HOMER2: variants seen among roughly 807,000 people sequenced by gnomAD.
HOMER2 encodes homer protein homolog 2.
A neutral mutation model predicts 47.0 loss-of-function variants in HOMER2; 27 were observed. The ratio of observed to expected loss-of-function variants is 0.57; its 90% CI spans 0.42 to 0.79. The LOEUF is 0.79. HOMER2 is among the 30% of genes least tolerant of loss of function. The pLI is 0.00. For synonymous variants in HOMER2, 161 were observed against 163.8 expected (o/e 0.98, Z 0.13); for missense variants, 443 against 435.0 (o/e 1.02, Z -0.16).
At chr15:82,907,451 A>G (rs567250075) in intron 1 of HOMER2, among the ~76,000 whole-genome samples, 10 of 151,620 alleles carry the variant, frequency 6.6e-5, no homozygotes, top group African/African-American at 2.4e-4. Context: ...AAGAAAGAGA[A>G]AGAAAGAAGG....
intron 1 of HOMER2, among the ~76,000 whole-genome samples, chr15:82,912,380 A>G (rs1055911379): frequency 9.8e-5 from 15 of 152,298 alleles, no homozygotes; most frequent in African/African-American, 3.6e-4. Context: ...AGTGAGCGTA[A>G]TATTTCTGAG....
intron 3 of HOMER2, among the ~76,000 whole-genome samples, chr15:82,867,162 G>T (rs2051997636): frequency 6.6e-6 from 1 of 152,044 alleles, no homozygotes; most frequent in Non-Finnish European, 1.5e-5. Flanking sequence ...ATGAGTTAAA[G>T]GGGCAAGAAA....
upstream of HOMER2, chr15:82,985,950 G>A: frequency 2.0e-6 from 1 of 503,190 alleles, no homozygotes; most frequent in Non-Finnish European, 2.6e-6. Context: ...CAGAACTTCC[G>A]TCTCTACCCG....
chr15:82,948,291 T>G (rs2054425680), intron 1 of HOMER2, among the ~76,000 whole-genome samples: 1 of 149,568 alleles, frequency 6.7e-6, no homozygotes, highest in Non-Finnish European at 1.5e-5. Flanking sequence ...TTCGGGAGGC[T>G]GAGGCAGGAG....
At chr15:82,969,780 A>G (rs948469406) in intron 1 of HOMER2, among the ~76,000 whole-genome samples, 7 of 152,248 alleles carry the variant, frequency 4.6e-5, no homozygotes, top group Non-Finnish European at 1.0e-4. Flanking sequence ...AGGGATAGAA[A>G]GAGAACAGTA....
intron 1 of HOMER2, among the ~76,000 whole-genome samples, chr15:82,978,282 A>G (rs762262508): frequency 6.6e-6 from 1 of 152,248 alleles, no homozygotes; most frequent in Admixed American, 6.5e-5. Context: ...CTTACCCTCA[A>G]GGAGTTTATA....
rs961036091 is a variant in HOMER2, at chr15:82,867,327, A to T, written c.295-3068T>A. 4.0e-5 allele frequency among the ~76,000 whole-genome samples: 6 copies of T among 151,510 alleles called. No homozygotes were observed. The South Asian group carries it at 1.2e-3, about 32-fold the overall frequency. ...TTCTTAAAACCCACAAAAGTGACAGACTTCACTACATAATAATTTAAAGCT... is the reference window on the plus strand; with the variant it reads ...TTCTTAAAACCCACAAAAGTGACAGTCTTCACTACATAATAATTTAAAGCT... On this transcript the variant is annotated intron_variant, in intron 3 of 8. Transcript: ENST00000450735.
chr15:82,975,972 A>G (rs999057091), intron 1 of HOMER2, among the ~76,000 whole-genome samples: 1 of 152,188 alleles, frequency 6.6e-6, no homozygotes, highest in African/African-American at 2.4e-5. Context: ...TGTGTCCCAT[A>G]AATATATACA....
chr15:82,876,960 G>C (rs2052369327), intron 2 of HOMER2, among the ~76,000 whole-genome samples: 1 of 152,150 alleles, frequency 6.6e-6, no homozygotes, highest in Non-Finnish European at 1.5e-5. Flanking sequence ...TCAGACTATT[G>C]AGTTTGCTGA....
intron 1 of HOMER2, among the ~76,000 whole-genome samples, chr15:82,932,865 G>A (rs2054048350): frequency 6.6e-6 from 1 of 152,140 alleles, no homozygotes; most frequent in African/African-American, 2.4e-5. Flanking sequence ...CCAACTGTGA[G>A]AGGTGCTCTT....
intron 3 of HOMER2, among the ~76,000 whole-genome samples, chr15:82,872,228 C>T (rs1436007187): frequency 6.6e-6 from 1 of 152,134 alleles, no homozygotes; most frequent in African/African-American, 2.4e-5. Context: ...ATTCTTTCAA[C>T]AAGTCACCAT....
At chr15:82,890,726 G>A (rs528776282) in intron 2 of HOMER2, among the ~76,000 whole-genome samples, 24 of 152,292 alleles carry the variant, frequency 1.6e-4, no homozygotes, top group African/African-American at 5.5e-4. Flanking sequence ...CTATATTTAA[G>A]CCCGATATAT....
At chr15:82,955,015 A>T (rs1392049501), upstream of HOMER2, among the ~76,000 whole-genome samples, 1 of 151,964 alleles carries the variant, frequency 6.6e-6, no homozygotes, top group Non-Finnish European at 1.5e-5. Flanking sequence ...TGACCTCGTG[A>T]TCGGCCCACC....
upstream of HOMER2, among the ~76,000 whole-genome samples, chr15:82,955,171 CT>C (rs537098552): frequency 2.9e-3 from 393 of 133,784 alleles, no homozygotes; most frequent in Middle Eastern, 0.013. Flanking sequence ...TTTTCTTTTT[CT>C]TTTTTTTTTT....
intron 8 of HOMER2, 149 bp from the exon 9 acceptor site, chr15:82,850,052 C>G (rs947597637): frequency 1.4e-6 from 1 of 729,834 alleles, no homozygotes; most frequent in Non-Finnish European, 2.2e-6. Flanking sequence ...CCCCAGCACA[C>G]AAGCCTGTGA....
rs779466414 is a variant in HOMER2, at chr15:82,849,770, A to G, written c.977T>C (p.Ile326Thr). ...KSFLEVLDGKIDDLHDFRRGL... is the reference protein window; with the variant it reads ...KSFLEVLDGKTDDLHDFRRGL... ...TCGGCGGAAGTCATGCAGGTCGTCA[A>G]TCTTCCCGTCCAGCACCTCCAGGAA... is the stretch of plus-strand genomic sequence containing the variant. Residue 326 changes from isoleucine (I) to threonine (T), a missense_variant, in exon 9 of 9, where the codon ATT (isoleucine) becomes ACT (threonine). Coordinates refer to ENST00000450735, the MANE Select transcript of HOMER2 (RefSeq NM_004839.4). 146 of 1,613,790 alleles carry G rather than the reference A, an allele frequency of 9.0e-5. No individual in the cohort carries two copies. The highest frequency in any genetic ancestry group is 1.2e-4 in the Non-Finnish European group (139 of 1,179,868).
chr15:82,954,893 C>T (rs2054572360), upstream of HOMER2, among the ~76,000 whole-genome samples: 1 of 151,932 alleles, frequency 6.6e-6, no homozygotes. Context: ...ATTCTCCTGC[C>T]TCAGCCTCCC....
chr15:82,917,581 C>T (rs946323562), intron 1 of HOMER2, among the ~76,000 whole-genome samples: 2 of 152,174 alleles, frequency 1.3e-5, no homozygotes, highest in Middle Eastern at 3.2e-3. Context: ...GCAGCAAACC[C>T]CAGTGTATGT....
chr15:82,871,174 T>TA (rs2052164978), intron 3 of HOMER2, among the ~76,000 whole-genome samples: 1 of 152,248 alleles, frequency 6.6e-6, no homozygotes. Context: ...ACAGCCTATC[T>TA]AAAGAGCAGG....
Sources: gnomAD v4.1 joint callset for allele counts (sites outside exome capture counted in the v4.1 genomes callset) on GRCh38, gnomAD v4.1.1 for gene constraint, MANE v1.5 for transcripts, NCBI Gene and HGNC (gene_info 2026-07-23, HGNC 2026-07-21) for gene names.